Variants in COL19A1 observed in about 807,000 individuals in gnomAD.
The protein encoded by COL19A1 is collagen type XIX alpha 1 chain, also known as collagen alpha-1(XIX) chain.
COL19A1 carries 159 observed loss-of-function variants against 190.2 expected under a neutral mutation model. The ratio of observed to expected loss-of-function variants is 0.84; its 90% CI spans 0.73 to 0.95. COL19A1 has a LOEUF of 0.95. Among genes scored for constraint, COL19A1 ranks in the 40% least tolerant of loss-of-function variants. The probability of loss-of-function intolerance (pLI) is 0.00; values close to 1 mark genes in which losing one functional copy is unlikely to be tolerated. For missense variants in COL19A1, 1,418 were observed against 1,431.9 expected, an observed-to-expected ratio of 0.99 and a Z score of 0.16; for synonymous variants, 509 against 458.9, an observed-to-expected ratio of 1.11 and a Z score of -1.39.
Position 70,188,263 on chromosome 6 carries a change from G to A in COL19A1, c.3027+18G>A, listed in dbSNP as rs3828775. On this transcript the variant is annotated intron_variant, in intron 47 of 50. Transcript: ENST00000620364. ...GCATTCCGGTAAGTAGTGCTAAGAC[G>A]CTTTAGGGCTCCTGGCTTGTACCGA... 0.31 allele frequency: 488,690 copies of A among 1,581,994 alleles called. 77,269 individuals are homozygous for A. The highest frequency in any genetic ancestry group is 0.32 in the Non-Finnish European group (379,474 of 1,167,792).
chr6:69,950,589 G>T (rs753371772), intron 9 of COL19A1, among the ~76,000 whole-genome samples: 3 of 150,786 alleles, frequency 2.0e-5, no homozygotes, highest in African/African-American at 7.3e-5. Flanking sequence ...TGGACAGAAG[G>T]CTCTGTCAAT....
At position 70,034,057 on chromosome 6, in the gene COL19A1, G is replaced by A. The variant is rs552826949; in HGVS notation, c.1081-188G>A. On this transcript the variant is annotated intron_variant, in intron 12 of 50. Transcript: ENST00000620364. ...TATTGAGGACTCGCGCTGATTTAAT[G>A]TATCTGTGCCCACCACGGCACAGAT... Among the ~76,000 whole-genome samples the A allele has an allele frequency of 4.8e-4, 73 of 152,272 alleles. No homozygotes were observed. The Middle Eastern group carries it at 0.01, about 21-fold the overall frequency.
intron 15 of COL19A1, among the ~76,000 whole-genome samples, chr6:70,083,545 G>A (rs1002939849): frequency 5.3e-5 from 8 of 152,176 alleles, no homozygotes; most frequent in Non-Finnish European, 1.0e-4. Context: ...AATTAGAGAA[G>A]TGCTGATTTA....
chr6:70,040,623 A>G (rs1779589285), intron 14 of COL19A1, among the ~76,000 whole-genome samples: 1 of 152,192 alleles, frequency 6.6e-6, no homozygotes, highest in East Asian at 1.9e-4. Context: ...TAACGTTTGA[A>G]TCCTTCTATA....
chr6:70,098,281 C>T, intron 15 of COL19A1: 1 of 322,648 alleles, frequency 3.1e-6, no homozygotes, highest in East Asian at 6.9e-5. Context: ...TAAAATACTC[C>T]CCCAAAGTAT....
chr6:70,006,455 A>G (rs1376939997), intron 11 of COL19A1, among the ~76,000 whole-genome samples: 1 of 151,964 alleles, frequency 6.6e-6, no homozygotes, highest in Non-Finnish European at 1.5e-5. Flanking sequence ...CTTCCTCTCT[A>G]TGGATCATGC....
intron 15 of COL19A1, among the ~76,000 whole-genome samples, chr6:70,076,607 G>A (rs1006519851): frequency 6.6e-6 from 1 of 152,062 alleles, no homozygotes; most frequent in Non-Finnish European, 1.5e-5. Flanking sequence ...TTTCTCAGGA[G>A]AGCAATTGGA....
chr6:69,944,516 A>T (rs1168302456), intron 9 of COL19A1, among the ~76,000 whole-genome samples: 2 of 152,134 alleles, frequency 1.3e-5, no homozygotes, highest in African/African-American at 2.4e-5. Flanking sequence ...AAATAATATT[A>T]TATTGTTAAC....
intron 34 of COL19A1, among the ~76,000 whole-genome samples, chr6:70,157,273 T>C (rs1035703647): frequency 3.3e-5 from 5 of 152,128 alleles, no homozygotes; most frequent in African/African-American, 1.2e-4. Flanking sequence ...TGCTCACCCG[T>C]TGGACTAAGG....
intron 11 of COL19A1, among the ~76,000 whole-genome samples, chr6:69,971,809 C>T (rs1245394032): frequency 6.6e-6 from 1 of 152,196 alleles, no homozygotes; most frequent in Non-Finnish European, 1.5e-5. Flanking sequence ...TCCATCTACC[C>T]CAGTGTCACC....
At chr6:69,928,432 T>C (rs2150010830) in intron 5 of COL19A1, among the ~76,000 whole-genome samples, 1 of 152,240 alleles carries the variant, frequency 6.6e-6, no homozygotes, top group Middle Eastern at 3.4e-3. Flanking sequence ...TCTTGGTGAA[T>C]AAAGAGTTGA....
intron 16 of COL19A1, among the ~76,000 whole-genome samples, chr6:70,107,843 G>C (rs10945198): frequency 0.089 from 13,522 of 152,110 alleles, 682 homozygotes; most frequent in Middle Eastern, 0.14. Flanking sequence ...TGTGGGGCTT[G>C]TTCCTTTACC....
intron 11 of COL19A1, among the ~76,000 whole-genome samples, chr6:70,020,780 A>G (rs1191573305): frequency 6.6e-6 from 1 of 152,134 alleles, no homozygotes; most frequent in East Asian, 1.9e-4. Flanking sequence ...TGCCCCCACA[A>G]CAAAGAATTG....
chr6:69,964,188 T>C (rs995024075), intron 11 of COL19A1, among the ~76,000 whole-genome samples: 1 of 152,148 alleles, frequency 6.6e-6, no homozygotes, highest in Admixed American at 6.5e-5. Flanking sequence ...ATTATAATTA[T>C]AAGACAAAGT....
intron 28 of COL19A1, 40 bp from the exon 29 acceptor site, chr6:70,149,811 A>G: frequency 6.2e-7 from 1 of 1,613,582 alleles, no homozygotes; most frequent in Non-Finnish European, 8.5e-7. Flanking sequence ...CTGAAAGACC[A>G]TCCTCATAAG....
At chr6:70,034,735 T>A (rs1412001708) in intron 13 of COL19A1, among the ~76,000 whole-genome samples, 3 of 152,210 alleles carry the variant, frequency 2.0e-5, no homozygotes, top group African/African-American at 7.2e-5. Flanking sequence ...TATTTCATAA[T>A]GACATGTTGG....
chr6:70,089,779 A>C (rs1366213877), intron 15 of COL19A1, among the ~76,000 whole-genome samples: 1 of 152,152 alleles, frequency 6.6e-6, no homozygotes, highest in Non-Finnish European at 1.5e-5. Flanking sequence ...ATATCCTTTT[A>C]TAAGTCTTGT....
intron 7 of COL19A1, among the ~76,000 whole-genome samples, chr6:69,933,754 A>T (rs1487096218): frequency 5.9e-5 from 9 of 152,098 alleles, no homozygotes; most frequent in Non-Finnish European, 1.5e-5. Flanking sequence ...ATTTAAGTAC[A>T]ATTCAGACTC....
At chr6:69,925,851 G>C (rs1371272619) in intron 4 of COL19A1, among the ~76,000 whole-genome samples, 1 of 152,128 alleles carries the variant, frequency 6.6e-6, no homozygotes, top group Admixed American at 6.6e-5. Context: ...TGAAGTAATT[G>C]CAAATGGGAG....
Sources: allele counts gnomAD v4.1 joint callset (sites outside exome capture counted in the v4.1 genomes callset), GRCh38; gene constraint gnomAD v4.1.1; transcripts MANE v1.5; gene names NCBI Gene and HGNC (gene_info 2026-07-23, HGNC 2026-07-21).